The following ABCB10 variants were observed in gnomAD, a reference collection of about 807,000 sequenced individuals.
ABCB10 encodes the protein ATP binding cassette subfamily B member 10.
A neutral mutation model predicts 65.4 loss-of-function variants in ABCB10; 54 were observed. The ratio of observed to expected loss-of-function variants is 0.83; its 90% confidence interval spans 0.66 to 1.04. ABCB10 has a LOEUF of 1.04. ABCB10 is among the 50% of genes least tolerant of loss of function. ABCB10 has a pLI of 0.00. For missense variants in ABCB10, 846 were observed against 976.6 expected (o/e 0.87, Z 1.78); for synonymous variants, 418 against 406.5 (o/e 1.03, Z -0.34).
chr1:229,533,929 A>C (rs1336852215), intron 6 of ABCB10, among the ~76,000 whole-genome samples: 1 of 152,224 alleles, frequency 6.6e-6, no homozygotes, highest in African/African-American at 2.4e-5. Flanking sequence ...AAGAAGCTGG[A>C]CTTCATTAAA....
Position 229,538,690 on chromosome 1 carries a change from T to C in ABCB10, c.1339+766A>G, listed in dbSNP as rs1316339289. 2.6e-5 allele frequency among the ~76,000 whole-genome samples: 4 copies of C among 152,324 alleles called. No homozygotes were observed. In the East Asian group the frequency reaches 7.7e-4, roughly 29 times the overall value. Reference sequence around the variant, plus strand: ...AAATCCTCACTTGCCTGCAGATGTCTACGGAAATGCCTCTACCTTCAACAA... The same window carrying C: ...AAATCCTCACTTGCCTGCAGATGTCCACGGAAATGCCTCTACCTTCAACAA... On this transcript the variant is annotated intron_variant, in intron 6 of 12. Transcript: ENST00000344517.
At chr1:229,532,455 A>C (rs1021015241) in intron 6 of ABCB10, among the ~76,000 whole-genome samples, 1 of 152,222 alleles carries the variant, frequency 6.6e-6, no homozygotes, top group Non-Finnish European at 1.5e-5. Flanking sequence ...TTAAAGACAA[A>C]TCCACAAAAT....
chr1:229,549,545 C>A, intron 1 of ABCB10, 111 bp from the exon 2 acceptor site: 2 of 1,038,542 alleles, frequency 1.9e-6, no homozygotes, highest in Non-Finnish European at 1.4e-6. Context: ...ATGCGTTGAT[C>A]TCAGTCTCTA....
chr1:229,558,645 C>T lies in ABCB10; in HGVS notation c.8G>A (p.Gly3Asp). The T allele has an allele frequency of 7.4e-7, 1 of 1,360,038 alleles. No homozygotes were observed. The highest frequency in any genetic ancestry group is 9.4e-7 in the Non-Finnish European group (1 of 1,058,416). 84.2% of individuals were successfully genotyped at this position (1,360,038 alleles called of 1,614,324 possible). A position where few individuals can be genotyped will look rare whatever the true frequency, so the allele number is the denominator to read the frequency against. Reference protein sequence around the residue: MRGPPAWPLRLLE... With the variant: MRDPPAWPLRLLE... ...CAGCCGCAGCGGCCAGGCAGGGGGG[C>T]CTCGCATGGCGCTGCGTGCGACCCG... The change falls in exon 1 of 13, where the codon GGC (glycine) becomes GAC (aspartate). Residue 3 changes from glycine to aspartate, a missense_variant. Gly to Asp is a moderately conservative substitution (Grantham distance 94). Transcript: ENST00000344517.
At chr1:229,530,557 A>G (rs2102689426) in intron 7 of ABCB10, 149 bp from the exon 8 acceptor site, 1 of 772,036 alleles carries the variant, frequency 1.3e-6, no homozygotes, top group East Asian at 2.6e-5. Flanking sequence ...GTCAGAAGCA[A>G]ACCTAGGCTA....
rs1489329670 is a variant in ABCB10, at chr1:229,558,664, C to A, written c.-12G>T. ...GGGGGGCCTCGCATGGCGCTGCGTG[C>A]GACCCGTACGCCTCAGCCCGCCGGC... On this transcript the variant is annotated 5_prime_UTR_variant, in exon 1 of 13. Coordinates refer to ENST00000344517, the MANE Select transcript of ABCB10 (RefSeq NM_012089.3). 2 of 1,314,142 alleles carry A rather than the reference C, an allele frequency of 1.5e-6. No individual in the cohort carries two copies. Among genetic ancestry groups the A allele is most frequent in the African/African-American group, 1.6e-5 (1 of 64,160 alleles). 81.4% of individuals were successfully genotyped at this position (1,314,142 alleles called of 1,614,324 possible). A position where few individuals can be genotyped will look rare whatever the true frequency, so the allele number is the denominator to read the frequency against.
At chr1:229,534,769 G>A (rs1284632260) in intron 6 of ABCB10, among the ~76,000 whole-genome samples, 1 of 151,434 alleles carries the variant, frequency 6.6e-6, no homozygotes, top group East Asian at 1.9e-4. Context: ...TACTCGGGAG[G>A]CTGAGGCTGG....
At chr1:229,530,753 G>C (rs992654886) in intron 7 of ABCB10, among the ~76,000 whole-genome samples, 2 of 152,244 alleles carry the variant, frequency 1.3e-5, no homozygotes, top group African/African-American at 4.8e-5. Context: ...ATCCACCCTT[G>C]TTAGTCTGGT....
At position 229,558,476 on chromosome 1, in the gene ABCB10, G is replaced by C. The variant is rs892994535; in HGVS notation, c.177C>G (p.Leu59=). Residue 59 remains leucine, a synonymous_variant, in exon 1 of 13, where the codon CTC becomes CTG. Coordinates refer to ENST00000344517, the MANE Select transcript of ABCB10 (RefSeq NM_012089.3). ...ARLWGAGPAL[L]WGVGAARRWR... is the part of the protein sequence containing the mutation. ...AGCGGCGCGCGGCTCCAACGCCCCA[G>C]AGCAGCGCGGGCCCCGCGCCCCATA... The C allele has an allele frequency of 1.6e-5, 21 of 1,281,144 alleles. No individual in the cohort carries two copies. In the African/African-American group the frequency reaches 2.5e-4, roughly 15 times the overall value. The allele number at this position is 1,281,144 out of a possible 1,614,324, so 79.4% of individuals were successfully genotyped here.
intron 8 of ABCB10, 139 bp from the exon 9 acceptor site, chr1:229,527,447 A>G: frequency 5.5e-6 from 4 of 728,628 alleles, no homozygotes. Flanking sequence ...TGGACTCTAA[A>G]ACTAACATAT....
At chr1:229,544,173 G>T (rs1662914371) in intron 3 of ABCB10, among the ~76,000 whole-genome samples, 2 of 152,178 alleles carry the variant, frequency 1.3e-5, no homozygotes. Context: ...TAGCATTTCG[G>T]GAGGCTGAGG....
intron 6 of ABCB10, among the ~76,000 whole-genome samples, chr1:229,536,267 G>A (rs1031959862): frequency 6.6e-6 from 1 of 152,076 alleles, no homozygotes; most frequent in South Asian, 2.1e-4. Context: ...TTGGGAGGCC[G>A]AGGCAGGAGG....
intron 1 of ABCB10, among the ~76,000 whole-genome samples, chr1:229,555,340 G>C (rs1363392143): frequency 6.6e-6 from 1 of 152,044 alleles, no homozygotes; most frequent in Non-Finnish European, 1.5e-5. Flanking sequence ...CATCTTTTAA[G>C]AGTCCTTCTG....
chr1:229,534,324 G>T (rs1471291754), intron 6 of ABCB10, among the ~76,000 whole-genome samples: 1 of 152,150 alleles, frequency 6.6e-6, no homozygotes, highest in Non-Finnish European at 1.5e-5. Flanking sequence ...TTGCTAGTGG[G>T]GATGCAAATG....
intron 10 of ABCB10, among the ~76,000 whole-genome samples, chr1:229,523,993 A>T (rs538700804): frequency 2.6e-4 from 40 of 151,804 alleles, no homozygotes; most frequent in East Asian, 7.7e-4. Flanking sequence ...ATATATATAT[A>T]TTTTAAATCA....
chr1:229,518,109 GTC>G lies in ABCB10; in HGVS notation c.*68_*69del, dbSNP rs764485160. The G allele has an allele frequency of 4.5e-5, 51 of 1,127,560 alleles. No homozygotes were observed. The Middle Eastern group carries it at 6.0e-4, about 13-fold the overall frequency. 69.8% of individuals were successfully genotyped at this position (1,127,560 alleles called of 1,614,324 possible). A position where few individuals can be genotyped will look rare whatever the true frequency, so the allele number is the denominator to read the frequency against. On this transcript the variant is annotated 3_prime_UTR_variant, in exon 13 of 13. Transcript: ENST00000344517. ...TGATATATGGTTTATGTATTTCATA[GTC>G]TCTGAGTTTTTTTTCTGCAACACTG...
At chr1:229,519,415 C>T (rs12118668) in intron 11 of ABCB10, among the ~76,000 whole-genome samples, 4 of 152,140 alleles carry the variant, frequency 2.6e-5, no homozygotes, top group Non-Finnish European at 4.4e-5. Flanking sequence ...CAGTTTTATC[C>T]TGCCATCAGA....
rs1469227879 is a variant in ABCB10, at chr1:229,539,473, A to G, written c.1322T>C (p.Val441Ala). Residue 441 changes from valine (V) to alanine (A), a missense_variant, in exon 6 of 13, where the codon GTT becomes GCT. Val to Ala is a moderately conservative substitution (Grantham distance 64). Around this residue, in one of 2 missense-constraint regions of ABCB10, gnomAD observed 632 missense variants for 803.2 expected, o/e 0.79. Coordinates refer to ENST00000344517, the MANE Select transcript of ABCB10 (RefSeq NM_012089.3). ...LSSFLMYAFW[V>A]GISIGGLSSF... ...TTATTTACCTCCAATGCTTATTCCA[A>G]CCCAGAAAGCATACATTAGGAAGGA... The G allele has an allele frequency of 6.8e-6, 11 of 1,613,842 alleles. No homozygotes were observed. Among genetic ancestry groups the G allele is most frequent in the Non-Finnish European group, 9.3e-6 (11 of 1,179,836 alleles).
intron 2 of ABCB10, among the ~76,000 whole-genome samples, 155 bp from the exon 3 acceptor site, chr1:229,547,856 G>C (rs971766525): frequency 1.3e-5 from 2 of 152,136 alleles, no homozygotes. Context: ...CCCATGGGTG[G>C]AAAGAGACTT....
Sources: gnomAD v4.1 joint callset for allele counts (sites outside exome capture counted in the v4.1 genomes callset) on GRCh38, gnomAD v4.1.1 for gene constraint, gnomAD v4.1.1 regional missense constraint, MANE v1.5 for transcripts, NCBI Gene and HGNC (gene_info 2026-07-23, HGNC 2026-07-21) for gene names.